TRPC1: variants seen among roughly 807,000 people sequenced by gnomAD.
The protein encoded by TRPC1 is transient receptor potential cation channel subfamily C member 1.
In TRPC1, 42 loss-of-function variants were observed where a neutral mutation model predicts 88.2. The ratio of observed to expected loss-of-function variants is 0.48; its 90% CI spans 0.37 to 0.62. The LOEUF is 0.62. TRPC1 is among the 20% of genes least tolerant of loss of function. TRPC1 has a pLI of 0.00. For synonymous variants in TRPC1, 288 were observed against 331.8 expected, an observed-to-expected ratio of 0.87 and a Z score of 1.43; for missense variants, 699 against 957.3, an observed-to-expected ratio of 0.73 and a Z score of 3.56.
At chr3:142,779,399 T>C (rs545797478) in intron 5 of TRPC1, among the ~76,000 whole-genome samples, 2 of 152,344 alleles carry the variant, frequency 1.3e-5, no homozygotes, top group South Asian at 4.1e-4. Flanking sequence ...ATTAGATTAA[T>C]AAGATGTATA....
At chr3:142,753,758 AG>A (rs1056711868) in intron 4 of TRPC1, among the ~76,000 whole-genome samples, 2 of 151,134 alleles carry the variant, frequency 1.3e-5, no homozygotes, top group African/African-American at 4.9e-5. Flanking sequence ...TTAGAGAAAT[AG>A]CAAGGTTTCT....
At chr3:142,760,155 A>C (rs191054899) in intron 4 of TRPC1, among the ~76,000 whole-genome samples, 246 of 152,040 alleles carry the variant, frequency 1.6e-3, no homozygotes, top group African/African-American at 4.9e-3. Context: ...CTTACACACA[A>C]AAAAAAATTG....
At chr3:142,729,600 C>T (rs115790114) in intron 1 of TRPC1, among the ~76,000 whole-genome samples, 2,014 of 152,190 alleles carry the variant, frequency 0.013, 66 homozygotes, top group Admixed American at 0.08. Flanking sequence ...CCTAGCTATA[C>T]CTTGTATATA....
chr3:142,805,912 T>G, intron 12 of TRPC1, 96 bp from the exon 13 acceptor site: 1 of 1,080,738 alleles, frequency 9.3e-7, no homozygotes, highest in South Asian at 1.6e-5. Context: ...AATAAAGCAT[T>G]TAAAGATGTG....
intron 9 of TRPC1, 72 bp downstream of exon 9, chr3:142,793,039 G>A (rs146136795): frequency 2.3e-6 from 3 of 1,288,066 alleles, no homozygotes; most frequent in Non-Finnish European, 3.1e-6. Flanking sequence ...CTTGTCCAGT[G>A]GAATACTGTT....
At chr3:142,756,361 CTT>C (rs749438384) in intron 4 of TRPC1, among the ~76,000 whole-genome samples, 23 of 136,506 alleles carry the variant, frequency 1.7e-4, no homozygotes, top group Admixed American at 2.2e-4. Flanking sequence ...TATGATGGTT[CTT>C]TTTTTTTTTT....
At chr3:142,752,925 G>A (rs1934827522) in intron 4 of TRPC1, among the ~76,000 whole-genome samples, 1 of 152,090 alleles carries the variant, frequency 6.6e-6, no homozygotes, top group African/African-American at 2.4e-5. Flanking sequence ...AAAGTGGCTG[G>A]GTCAGAGTGG....
intron 4 of TRPC1, among the ~76,000 whole-genome samples, chr3:142,754,933 A>C (rs1934905815): frequency 6.6e-6 from 1 of 152,200 alleles, no homozygotes; most frequent in African/African-American, 2.4e-5. Flanking sequence ...TTGATATGAG[A>C]ATGAATGAAT....
intron 4 of TRPC1, among the ~76,000 whole-genome samples, chr3:142,750,632 G>A (rs151202542): frequency 1.9e-3 from 289 of 152,156 alleles, no homozygotes; most frequent in African/African-American, 6.2e-3. Context: ...TTATTGCAGC[G>A]CTATTCACAA....
intron 5 of TRPC1, 52 bp downstream of exon 5, chr3:142,777,815 C>A (rs777395591): frequency 8.5e-6 from 13 of 1,522,684 alleles, no homozygotes; most frequent in Non-Finnish European, 1.2e-5. Flanking sequence ...TCTTCAACCT[C>A]AGTTTCTTCA....
At chr3:142,793,611 C>G (rs577186473) in intron 9 of TRPC1, among the ~76,000 whole-genome samples, 2 of 151,990 alleles carry the variant, frequency 1.3e-5, no homozygotes, top group East Asian at 1.9e-4. Flanking sequence ...TCTCTTTGCA[C>G]CAAAGAAAAG....
chr3:142,766,384 C>A (rs962263412), intron 4 of TRPC1, among the ~76,000 whole-genome samples: 4 of 151,484 alleles, frequency 2.6e-5, no homozygotes. Context: ...CCTAGCCTCC[C>A]AGCCTACATC....
intron 6 of TRPC1, among the ~76,000 whole-genome samples, chr3:142,782,593 G>A (rs569799973): frequency 2.0e-5 from 3 of 152,220 alleles, no homozygotes; most frequent in Admixed American, 6.5e-5. Context: ...CTGCTTCTCC[G>A]TGTCTGGGAA....
intron 4 of TRPC1, among the ~76,000 whole-genome samples, chr3:142,775,852 A>T (rs544664409): frequency 1.3e-5 from 2 of 152,350 alleles, no homozygotes; most frequent in Non-Finnish European, 2.9e-5. Flanking sequence ...ATTTTCTGTT[A>T]GATTGAAATA....
At chr3:142,725,778 TG>T (rs1933649518) in intron 1 of TRPC1, among the ~76,000 whole-genome samples, 1 of 152,216 alleles carries the variant, frequency 6.6e-6, no homozygotes, top group Non-Finnish European at 1.5e-5. Flanking sequence ...TTTGTTTGTT[TG>T]TTTGTATGTG....
In TRPC1 at chr3:142,742,573, C is replaced by G. The variant is rs543974524; in HGVS notation, c.328-912C>G. Among the ~76,000 whole-genome samples, 5 of 151,958 alleles carry G rather than the reference C, an allele frequency of 3.3e-5. No individual in the cohort carries two copies. In the South Asian group the frequency reaches 1.0e-3, roughly 32 times the overall value. The stretch of plus-strand genomic sequence containing the variant: ...TTCAGCTACAAAGAATATTAAAGAT[C>G]GATATAGTTTTGTTTCCAAGAGCAA... On this transcript the variant is annotated intron_variant, in intron 2 of 12. Coordinates refer to ENST00000476941, the MANE Select transcript of TRPC1 (RefSeq NM_001251845.2).
At position 142,804,586 on chromosome 3, in the gene TRPC1, T is replaced by C; in HGVS notation, c.2110T>C (p.Ser704Pro). 1.2e-6 allele frequency: 2 copies of C among 1,610,158 alleles called. No homozygotes were observed. Among genetic ancestry groups the C allele is most frequent in the South Asian group, 2.2e-5 (2 of 90,162 alleles). Residue 704 changes from serine to proline, a missense_variant, in exon 12 of 13, where the codon TCT becomes CCT. This residue lies in a region of TRPC1 where 105 missense variants were observed against 141.7 expected (regional missense o/e 0.74). Coordinates refer to ENST00000476941, the MANE Select transcript of TRPC1 (RefSeq NM_001251845.2). ...MISSLSKWICSHTSKGKVKRQ... is the reference protein window; with the variant it reads ...MISSLSKWICPHTSKGKVKRQ... Reference sequence around the variant, plus strand: ...TAGTAGCCTCAGTAAGTGGATTTGCTCTCATACATCAAAAGGCAAGGTCAA... The same window carrying C: ...TAGTAGCCTCAGTAAGTGGATTTGCCCTCATACATCAAAAGGCAAGGTCAA...
chr3:142,763,503 C>T (rs1373721359), intron 4 of TRPC1, among the ~76,000 whole-genome samples: 1 of 151,708 alleles, frequency 6.6e-6, no homozygotes, highest in Non-Finnish European at 1.5e-5. Flanking sequence ...AGAATAGATA[C>T]TCCTGATCTT....
chr3:142,782,185 A>T (rs991760014), intron 6 of TRPC1, among the ~76,000 whole-genome samples: 2 of 152,124 alleles, frequency 1.3e-5, no homozygotes, highest in African/African-American at 2.4e-5. Flanking sequence ...AAAAAATCTT[A>T]AGAGGTAATT....
Sources: gnomAD v4.1 joint callset for allele counts (sites outside exome capture counted in the v4.1 genomes callset) on GRCh38, gnomAD v4.1.1 for gene constraint, gnomAD v4.1.1 regional missense constraint, MANE v1.5 for transcripts, NCBI Gene and HGNC (gene_info 2026-07-23, HGNC 2026-07-21) for gene names.